MVP: variants seen among roughly 807,000 people sequenced by gnomAD.
MVP encodes the protein major vault protein.
MVP carries 62 observed loss-of-function variants against 83.5 expected under a neutral mutation model. That is an observed-to-expected ratio of 0.74 (90% CI 0.61 to 0.92). The LOEUF (loss-of-function observed/expected upper bound fraction) is 0.92, where lower values mean the gene tolerates loss of function less well. MVP is among the 40% of genes least tolerant of loss of function. The probability of loss-of-function intolerance (pLI) is 0.00; values close to 1 mark genes in which losing one functional copy is unlikely to be tolerated. For missense variants in MVP, 1,000 were observed against 1,203.4 expected (o/e 0.83, Z 2.50); for synonymous variants, 505 against 504.1 (o/e 1.00, Z -0.02).
chr16:29,847,692 TAAG>T (rs2067597711), intron 14 of MVP, 67 bp from the exon 15 acceptor site: 2 of 1,477,872 alleles, frequency 1.4e-6, no homozygotes, highest in Non-Finnish European at 1.9e-6. Context: ...CCAGCTGACT[TAAG>T]GAGGGTCACT....
intron 1 of MVP, among the ~76,000 whole-genome samples, chr16:29,828,107 C>T (rs956711970): frequency 6.6e-5 from 10 of 151,508 alleles, no homozygotes; most frequent in Non-Finnish European, 1.3e-4. Flanking sequence ...ATTACAGGCA[C>T]GTGCCACCAT....
At chr16:29,834,178 G>A (rs2067467546) in intron 5 of MVP, 112 bp downstream of exon 5, 9 of 1,437,656 alleles carry the variant, frequency 6.3e-6, no homozygotes, top group Non-Finnish European at 8.4e-6. Context: ...GCGCTTTCCT[G>A]GTATCTTTTG....
intron 3 of MVP, chr16:29,833,234 A>AT (rs1413153584): frequency 6.3e-6 from 1 of 158,600 alleles, no homozygotes; most frequent in Non-Finnish European, 1.4e-5. Context: ...ATCTCCAAAA[A>AT]TAAAAAAAAG....
At chr16:29,844,410 G>A (rs9939514) in intron 10 of MVP, 83 bp from the exon 11 acceptor site, 214,350 of 1,492,470 alleles carry the variant, frequency 0.14, 16,433 homozygotes, top group African/African-American at 0.24. Context: ...ACCAGCCTGG[G>A]CAACATGGCA....
chr16:29,846,728 A>T (rs2067588780), intron 13 of MVP, among the ~76,000 whole-genome samples: 1 of 152,146 alleles, frequency 6.6e-6, no homozygotes, highest in Admixed American at 6.6e-5. Context: ...GTATGGTGGC[A>T]TGTGTCTGTA....
Position 29,835,737 on chromosome 16 carries a change from A to AC in MVP, c.613dup (p.Leu205ProfsTer6). The AC allele has an allele frequency of 6.2e-7, 1 of 1,613,348 alleles. No individual in the cohort carries two copies. ...TGGCTGGTCACCACAGTAGGGGCGTACCTCCCAGCGGTGTTTGAGGAGGTT... is the reference window on the plus strand; with the variant it reads ...TGGCTGGTCACCACAGTAGGGGCGTACCCTCCCAGCGGTGTTTGAGGAGGTT... On this transcript the variant is annotated frameshift_variant, in exon 6 of 15. Transcript: ENST00000357402. LOFTEE classifies it high-confidence loss of function.
intron 10 of MVP, among the ~76,000 whole-genome samples, chr16:29,843,590 A>AGGG: frequency 4.9e-5 from 1 of 20,318 alleles, no homozygotes; most frequent in South Asian, 2.4e-3. Context: ...GGAAGGGAGG[A>AGGG]AGGGAGGGAG....
intron 1 of MVP, chr16:29,830,225 A>G: frequency 4.1e-6 from 1 of 244,972 alleles, no homozygotes; most frequent in Non-Finnish European, 8.1e-6. Flanking sequence ...GTGGCAGTGT[A>G]GGGGGAAGTA....
chr16:29,846,315 G>A (rs2067585620), intron 13 of MVP, 31 bp downstream of exon 13: 1 of 1,538,528 alleles, frequency 6.5e-7, no homozygotes, highest in African/African-American at 1.4e-5. Flanking sequence ...AGAAGAGGGT[G>A]GCCTTGAGTC....
In MVP at chr16:29,841,092, T is replaced by C. The variant is rs2067530886; in HGVS notation, c.1192-504T>C. ...CTCATGCCCATATCCCGGTGGAATC[T>C]TTCATTTTTTTCTGCTTCACCTAAA... On this transcript the variant is annotated intron_variant, in intron 8 of 14. Coordinates refer to ENST00000357402, the MANE Select transcript of MVP (RefSeq NM_005115.5). This position sits in a 1 kb window ranked among gnomAD's most constrained non-coding sequence, Gnocchi z 4.7. Among the ~76,000 whole-genome samples, 1 of 151,960 alleles carries C rather than the reference T, an allele frequency of 6.6e-6. No individual in the cohort carries two copies.
intron 7 of MVP, among the ~76,000 whole-genome samples, chr16:29,838,638 G>A (rs958489289): frequency 6.6e-5 from 10 of 151,954 alleles, no homozygotes; most frequent in Non-Finnish European, 1.0e-4. Flanking sequence ...GACCAGCCTG[G>A]GTAACATAGT....
chr16:29,830,588 C>T lies in MVP; in HGVS notation c.39C>T (p.Tyr13=), dbSNP rs751664054. Residue 13 remains tyrosine, a synonymous_variant, in exon 2 of 15, where the codon TAC becomes TAT. Transcript: ENST00000357402. ...AGTTCATCATCCGCATCCCCCCATA[C>T]CACTATATCCATGTGCTGGACCAGA... is the stretch of plus-strand genomic sequence containing the variant. ...TEEFIIRIPP[Y]HYIHVLDQNS... 1.2e-6 allele frequency: 2 copies of T among 1,614,046 alleles called. No individual in the cohort carries two copies. The highest frequency in any genetic ancestry group is 2.2e-5 in the East Asian group (1 of 44,868).
At chr16:29,835,481 A>AG in intron 5 of MVP, 1 of 56,432 alleles carries the variant, frequency 1.8e-5, no homozygotes. Flanking sequence ...ACTCCGTCTC[A>AG]AAAAAAAAAA....
intron 1 of MVP, among the ~76,000 whole-genome samples, chr16:29,825,016 T>G (rs2150750283): frequency 6.6e-6 from 1 of 152,268 alleles, no homozygotes; most frequent in Admixed American, 6.5e-5. Context: ...GTGTTGGGAT[T>G]ACAGGTGTGA....
intron 7 of MVP, among the ~76,000 whole-genome samples, chr16:29,837,401 A>C (rs2067496754): frequency 6.6e-6 from 1 of 152,238 alleles, no homozygotes; most frequent in Non-Finnish European, 1.5e-5. Flanking sequence ...GCAGCTGAAC[A>C]CAATGGCAAG....
At position 29,840,345 on chromosome 16, in the gene MVP, C is replaced by T. The variant is rs755482303; in HGVS notation, c.1077C>T (p.Ile359=). ...VSHQAGDHWL[I]RGPLEYVPSA... is the part of the protein sequence containing the mutation. The stretch of plus-strand genomic sequence containing the variant: ...ACCAGGCTGGGGACCACTGGCTCAT[C>T]CGCGGACCCCTGGAGTATGTGCCAT... The change falls in exon 8 of 15, where the codon ATC becomes ATT. Residue 359 remains isoleucine, a synonymous_variant. Transcript: ENST00000357402. 2.5e-6 allele frequency: 4 copies of T among 1,609,134 alleles called. No homozygotes were observed. Among genetic ancestry groups the T allele is most frequent in the Non-Finnish European group, 3.4e-6 (4 of 1,178,096 alleles).
chr16:29,833,753 G>C lies in MVP; in HGVS notation c.342G>C (p.Val114=). The change falls in exon 4 of 15, where the codon GTG becomes GTC. Residue 114 remains valine (V), a synonymous_variant. Coordinates refer to ENST00000357402, the MANE Select transcript of MVP (RefSeq NM_005115.5). ...VLEKDITPLQ[V]VLPNTALHLK... ...ACTAGGACATCACACCCCTGCAGGT[G>C]GTTCTGCCCAACACTGCCCTCCATC... 1.2e-6 allele frequency: 2 copies of C among 1,614,046 alleles called. No individual in the cohort carries two copies. Among genetic ancestry groups the C allele is most frequent in the East Asian group, 2.2e-5 (1 of 44,882 alleles).
rs758288435 is a variant in MVP, at chr16:29,836,905, G to A, written c.856G>A (p.Asp286Asn). ...CCCCCACAACTACTGCGTGATTCTC[G>A]ACCCTGTCGGACCGGATGGCAAGAA... ...LGPHNYCVIL[D>N]PVGPDGKNQL... The change falls in exon 7 of 15, where the codon GAC becomes AAC. Residue 286 changes from aspartate to asparagine, a missense_variant. Transcript: ENST00000357402. 35 of 1,613,832 alleles carry A rather than the reference G, an allele frequency of 2.2e-5. No homozygotes were observed. The highest frequency in any genetic ancestry group is 1.6e-4 in the South Asian group (15 of 91,074).
chr16:29,822,055 GTC>G (rs2067365801), intron 1 of MVP, among the ~76,000 whole-genome samples: 1 of 151,356 alleles, frequency 6.6e-6, no homozygotes, highest in Non-Finnish European at 1.5e-5. Context: ...GCGAGACCCT[GTC>G]TCTGTTTGTG....
Sources: gnomAD v4.1 joint callset for allele counts (sites outside exome capture counted in the v4.1 genomes callset) on GRCh38, gnomAD v4.1.1 for gene constraint, Gnocchi (gnomAD v3.1) non-coding constraint, MANE v1.5 for transcripts, NCBI Gene and HGNC (gene_info 2026-07-23, HGNC 2026-07-21) for gene names.